The following PLCE1 variants were observed in gnomAD, a reference collection of about 807,000 sequenced individuals.
PLCE1 encodes phospholipase C epsilon 1.
Under a neutral mutation model 242.8 loss-of-function variants are expected in PLCE1, and 119 were observed. The observed-to-expected ratio is 0.49, with a 90% CI of 0.42 to 0.57. PLCE1 has a LOEUF of 0.57. Ranked by LOEUF, PLCE1 falls within the 20% of genes least tolerant of loss-of-function variation. PLCE1 has a pLI of 0.00. For synonymous variants in PLCE1, 945 were observed against 1,017.4 expected (o/e 0.93, Z 1.35); for missense variants, 2,441 against 2,788.8 (o/e 0.88, Z 2.81).
At position 94,254,069 on chromosome 10, in the gene PLCE1, G is replaced by A. The variant is rs2050977190; in HGVS notation, c.3280-121G>A. On this transcript the variant is annotated intron_variant, in intron 9 of 32. Transcript: ENST00000371380. ...TCAGCCTTAATGTAGGTCTTTACCG[G>A]TTTTACCAGGAAGAGGCAGTATTGA... is the stretch of plus-strand genomic sequence containing the variant. The A allele has an allele frequency of 1.4e-5, 11 of 793,536 alleles. No homozygotes were observed. The East Asian group carries it at 1.5e-4, about 11-fold the overall frequency. 49.2% of individuals were successfully genotyped at this position (793,536 alleles called of 1,614,324 possible).
intron 27 of PLCE1, among the ~76,000 whole-genome samples, chr10:94,312,178 T>A (rs1314130716): frequency 1.3e-5 from 2 of 152,248 alleles, no homozygotes; most frequent in African/African-American, 4.8e-5. Flanking sequence ...ATGACAATTA[T>A]ACTTCAGTAA....
intron 27 of PLCE1, among the ~76,000 whole-genome samples, chr10:94,310,683 T>C (rs1256572487): frequency 1.3e-5 from 2 of 152,172 alleles, no homozygotes; most frequent in African/African-American, 4.8e-5. Context: ...GACCTCGATA[T>C]CTGTTACAGC....
In PLCE1 at chr10:94,246,043, G is replaced by A. The variant is rs200455333; in HGVS notation, c.2518G>A (p.Asp840Asn). 41 of 1,614,032 alleles carry A rather than the reference G, an allele frequency of 2.5e-5. 1 individual carries two copies. Among genetic ancestry groups the A allele is most frequent in the Middle Eastern group, 1.6e-4 (1 of 6,062 alleles). ...HGSEDSQKAF[D>N]HGTELIPWYV... ...TTCAGAGGACTCACAGAAGGCCTTC[G>A]ACCATGGGACGGAGCTCATCCCTTG... Residue 840 changes from aspartate to asparagine, a missense_variant, in exon 8 of 33, where the codon GAC becomes AAC. This residue lies in a region of PLCE1 where 733 missense variants were observed against 754.2 expected (regional missense o/e 0.97). Coordinates refer to ENST00000371380, the MANE Select transcript of PLCE1 (RefSeq NM_016341.4).
At chr10:94,167,744 T>C (rs959889285) in intron 3 of PLCE1, among the ~76,000 whole-genome samples, 7 of 146,376 alleles carry the variant, frequency 4.8e-5, no homozygotes, top group Non-Finnish European at 1.0e-4. Context: ...CATGTGGTGT[T>C]TGGTTTTTTG....
chr10:94,268,849 G>A, intron 16 of PLCE1, 80 bp from the exon 17 acceptor site: 1 of 801,340 alleles, frequency 1.2e-6, no homozygotes, highest in African/African-American at 1.7e-5. Flanking sequence ...TGCCTGATAT[G>A]TAGAACTACA....
intron 2 of PLCE1, among the ~76,000 whole-genome samples, chr10:94,118,683 A>G (rs903835783): frequency 3.3e-5 from 5 of 152,230 alleles, no homozygotes; most frequent in Admixed American, 2.6e-4. Flanking sequence ...CTCCCCAGTC[A>G]TGTGGAACTA....
At chr10:94,133,170 T>A (rs369447117) in intron 3 of PLCE1, among the ~76,000 whole-genome samples, 3 of 151,914 alleles carry the variant, frequency 2.0e-5, no homozygotes, top group Non-Finnish European at 4.4e-5. Flanking sequence ...GAAATATAGA[T>A]CTCCTTCATA....
chr10:94,321,874 A>C, intron 29 of PLCE1, 27 bp from the exon 30 acceptor site: 1 of 1,548,812 alleles, frequency 6.5e-7, no homozygotes, highest in Non-Finnish European at 8.9e-7. Context: ...CCTATTATTT[A>C]CTCACATTTT....
intron 16 of PLCE1, among the ~76,000 whole-genome samples, chr10:94,267,874 T>C (rs767621227): frequency 2.6e-5 from 4 of 152,210 alleles, no homozygotes; most frequent in Admixed American, 6.5e-5. Flanking sequence ...TTATCCCATA[T>C]AAAAGTGTTA....
At chr10:94,027,938 C>T (rs943123586) in intron 1 of PLCE1, among the ~76,000 whole-genome samples, 4 of 152,130 alleles carry the variant, frequency 2.6e-5, no homozygotes, top group African/African-American at 9.7e-5. Flanking sequence ...CATAGGGCTT[C>T]AGACTAGATG....
At chr10:94,118,613 C>T (rs139947131) in intron 2 of PLCE1, among the ~76,000 whole-genome samples, 30 of 152,278 alleles carry the variant, frequency 2.0e-4, no homozygotes, top group Non-Finnish European at 3.1e-4. Flanking sequence ...CTCTCTTTGC[C>T]GCTGCCATCC....
Position 94,209,580 on chromosome 10 carries a change from G to A in PLCE1, c.1810-17726G>A, listed in dbSNP as rs141907681. Among the ~76,000 whole-genome samples, 55 of 152,210 alleles carry A rather than the reference G, an allele frequency of 3.6e-4. 1 individual carries two copies. In the East Asian group the frequency reaches 0.01, roughly 28 times the overall value. On this transcript the variant is annotated intron_variant, in intron 4 of 32. Coordinates refer to ENST00000371380, the MANE Select transcript of PLCE1 (RefSeq NM_016341.4). ...CTTCCAGAAAAGATATAAAAGCATA[G>A]AATTCCAAGCATGAGGCTGGTTATA...
chr10:94,091,272 T>C (rs2045057495), intron 2 of PLCE1, among the ~76,000 whole-genome samples: 1 of 152,204 alleles, frequency 6.6e-6, no homozygotes, highest in Non-Finnish European at 1.5e-5. Flanking sequence ...GTAAGACATG[T>C]GCATGGTTGA....
intron 4 of PLCE1, among the ~76,000 whole-genome samples, chr10:94,193,172 G>A (rs1026848606): frequency 6.6e-6 from 1 of 152,130 alleles, no homozygotes; most frequent in Non-Finnish European, 1.5e-5. Context: ...TTTTTGAACT[G>A]GAAGGTTCTG....
At position 94,031,103 on chromosome 10, in the gene PLCE1, GGTT is replaced by G; in HGVS notation, c.58_60del (p.Val20del). 1.2e-6 allele frequency: 2 copies of G among 1,613,696 alleles called. No homozygotes were observed. The highest frequency in any genetic ancestry group is 1.1e-5 in the South Asian group (1 of 91,080). ...TCATACCTGTGACTCAGAGAAAAGT[GGTT>G]TCTGCCCAGTCGGCTGCAGATGAAA... On this transcript the variant is annotated inframe_deletion, in exon 2 of 33. Transcript: ENST00000371380.
intron 3 of PLCE1, among the ~76,000 whole-genome samples, chr10:94,141,279 C>A (rs2046946012): frequency 6.6e-6 from 1 of 152,238 alleles, no homozygotes; most frequent in African/African-American, 2.4e-5. Flanking sequence ...ACTCCGTCAC[C>A]AGGTGTGACC....
At chr10:94,172,174 G>T (rs1447397608) in intron 4 of PLCE1, among the ~76,000 whole-genome samples, 2 of 152,182 alleles carry the variant, frequency 1.3e-5, no homozygotes, top group African/African-American at 4.8e-5. Flanking sequence ...AAGAGCCACT[G>T]GCTGACATCC....
intron 2 of PLCE1, among the ~76,000 whole-genome samples, chr10:94,081,434 A>G (rs1034766252): frequency 2.4e-4 from 37 of 152,196 alleles, no homozygotes; most frequent in African/African-American, 8.7e-4. Flanking sequence ...AGGTATTCTC[A>G]TCAAAATGTT....
At chr10:94,221,734 A>G (rs146584236) in intron 4 of PLCE1, among the ~76,000 whole-genome samples, 296 of 151,436 alleles carry the variant, frequency 2.0e-3, no homozygotes, top group African/African-American at 6.8e-3. Flanking sequence ...AGTTCTGTCT[A>G]AAAAAAAAGA....
Sources: gnomAD v4.1 joint callset for allele counts (sites outside exome capture counted in the v4.1 genomes callset) on GRCh38, gnomAD v4.1.1 for gene constraint, gnomAD v4.1.1 regional missense constraint, MANE v1.5 for transcripts, NCBI Gene and HGNC (gene_info 2026-07-23, HGNC 2026-07-21) for gene names.